The following PROS1 variants were observed in gnomAD, a reference collection of about 807,000 sequenced individuals.
PROS1 encodes protein S, also known as vitamin K-dependent protein S.
In PROS1, 29 loss-of-function variants were observed where a neutral mutation model predicts 75.9. The observed-to-expected ratio is 0.38, with a 90% CI of 0.28 to 0.52. The LOEUF is 0.52. Among genes scored for constraint, PROS1 ranks in the 20% least tolerant of loss-of-function variants. PROS1 has a pLI of 0.83. For missense variants in PROS1, 680 were observed against 810.3 expected (o/e 0.84, Z 1.95); for synonymous variants, 245 against 280.6 (o/e 0.87, Z 1.27).
chr3:93,919,943 T>C (rs1708920782), intron 3 of PROS1, among the ~76,000 whole-genome samples: 1 of 152,202 alleles, frequency 6.6e-6, no homozygotes, highest in Non-Finnish European at 1.5e-5. Context: ...AAATACCATA[T>C]AGTTTTATTT....
intron 3 of PROS1, among the ~76,000 whole-genome samples, chr3:93,917,544 C>A (rs1390094232): frequency 5.3e-5 from 8 of 152,230 alleles, no homozygotes; most frequent in Non-Finnish European, 1.2e-4. Flanking sequence ...CCCACCACTG[C>A]ACTGTGGGAG....
intron 14 of PROS1, among the ~76,000 whole-genome samples, chr3:93,875,666 CT>C (rs202020430): frequency 7.1e-6 from 1 of 141,116 alleles, no homozygotes. Flanking sequence ...ATCTATCTAT[CT>C]ATCTATCTAT....
rs866895816 is a variant in PROS1, at chr3:93,944,768, C to A, written c.77-17361G>T. On this transcript the variant is annotated intron_variant, in intron 1 of 14. Transcript: ENST00000394236. ...AGAACTAGAGAAGCAAGAGCAAACA[C>A]ATTCAAAAGCTAGCAGAAGGCAAGA... 1.1e-3 allele frequency among the ~76,000 whole-genome samples: 163 copies of A among 152,104 alleles called. 1 individual carries two copies. The Middle Eastern group carries it at 0.02, about 19-fold the overall frequency.
chr3:93,945,356 A>C (rs1427070129), intron 1 of PROS1, among the ~76,000 whole-genome samples: 1 of 152,158 alleles, frequency 6.6e-6, no homozygotes, highest in Non-Finnish European at 1.5e-5. Flanking sequence ...ACAACAACAA[A>C]AAAAAGAGAA....
At chr3:93,944,090 G>A (rs1331095762) in intron 1 of PROS1, among the ~76,000 whole-genome samples, 5 of 152,066 alleles carry the variant, frequency 3.3e-5, no homozygotes, top group Non-Finnish European at 7.3e-5. Context: ...ATCAGACTGG[G>A]CCCAATAAAC....
At chr3:93,936,610 C>T (rs1052172535) in intron 1 of PROS1, among the ~76,000 whole-genome samples, 2 of 152,098 alleles carry the variant, frequency 1.3e-5, no homozygotes, top group South Asian at 4.1e-4. Flanking sequence ...AAGCCTGCAC[C>T]AGAAACTGAG....
At chr3:93,937,915 T>G (rs1709212629) in intron 1 of PROS1, among the ~76,000 whole-genome samples, 1 of 152,292 alleles carries the variant, frequency 6.6e-6, no homozygotes, top group Non-Finnish European at 1.5e-5. Flanking sequence ...AAGAACCCTT[T>G]TGCCTAAAGA....
intron 2 of PROS1, among the ~76,000 whole-genome samples, chr3:93,925,698 C>G (rs781332401): frequency 6.6e-6 from 1 of 151,706 alleles, no homozygotes; most frequent in Non-Finnish European, 1.5e-5. Context: ...GGGCTGCACA[C>G]CTGTAGTCTC....
intron 1 of PROS1, chr3:93,928,590 A>T (rs1709062227): frequency 5.6e-6 from 2 of 355,684 alleles, no homozygotes; most frequent in Admixed American, 4.5e-5. Flanking sequence ...AAACTTTCTC[A>T]ATTTTAATGA....
At chr3:93,935,628 C>T (rs1432979491) in intron 1 of PROS1, among the ~76,000 whole-genome samples, 1 of 151,994 alleles carries the variant, frequency 6.6e-6, no homozygotes, top group Admixed American at 6.6e-5. Context: ...TGCTTAGAGG[C>T]TTAGAAGGAT....
At position 93,873,075 on chromosome 3, in the gene PROS1, C is replaced by T. The variant is rs140073790; in HGVS notation, c.*1170G>A. Reference sequence around the variant, plus strand: ...GTCTATTATGTAATTTTGTTTTATTCAAACAGTTGATATAATAAAGATATT... The same window carrying T: ...GTCTATTATGTAATTTTGTTTTATTTAAACAGTTGATATAATAAAGATATT... On this transcript the variant is annotated 3_prime_UTR_variant, in exon 15 of 15. Coordinates refer to ENST00000394236, the MANE Select transcript of PROS1 (RefSeq NM_000313.4). 24 of 152,198 alleles carry T rather than the reference C, an allele frequency of 1.6e-4. No individual in the cohort carries two copies. The highest frequency in any genetic ancestry group is 5.8e-4 in the African/African-American group (24 of 41,538). 9.4% of individuals were successfully genotyped at this position (152,198 alleles called of 1,614,324 possible).
intron 8 of PROS1, among the ~76,000 whole-genome samples, chr3:93,897,444 C>G (rs1708517949): frequency 6.6e-6 from 1 of 151,976 alleles, no homozygotes. Flanking sequence ...CCCCTTAAAA[C>G]TTTAATAAAT....
chr3:93,875,626 CTATCTA>C (rs1382194270), intron 14 of PROS1, among the ~76,000 whole-genome samples: 13 of 2,520 alleles, frequency 5.2e-3, no homozygotes, highest in Admixed American at 9.3e-3. Flanking sequence ...CTACTTACCT[CTATCTA>C]TCTATCTATC....
chr3:93,958,020 G>A (rs771729158), intron 1 of PROS1, among the ~76,000 whole-genome samples: 17 of 151,964 alleles, frequency 1.1e-4, no homozygotes, highest in Admixed American at 2.0e-4. Context: ...CCCAGGAAGC[G>A]GAGGTTGCAG....
At chr3:93,964,385 T>G (rs1709755937) in intron 1 of PROS1, among the ~76,000 whole-genome samples, 1 of 152,130 alleles carries the variant, frequency 6.6e-6, no homozygotes, top group Non-Finnish European at 1.5e-5. Context: ...AGGAATTCAT[T>G]CCTGGGGGGC....
intron 1 of PROS1, among the ~76,000 whole-genome samples, chr3:93,962,702 G>C (rs1479958906): frequency 1.3e-5 from 2 of 152,132 alleles, no homozygotes; most frequent in Admixed American, 6.5e-5. Context: ...GGCCTAATCA[G>C]ACTCAAACCC....
rs369854578 is a variant in PROS1 at position 93,900,792 on chromosome 3, C to T, written c.727+12G>A. On this transcript the variant is annotated intron_variant, in intron 7 of 14. Transcript: ENST00000394236. ...CTCTCCACCATCAGTAATGATACCA[C>T]CATCATCCTACCTTCACAAGACTTT... The T allele has an allele frequency of 1.9e-5, 30 of 1,612,068 alleles. No individual in the cohort carries two copies. The highest frequency in any genetic ancestry group is 8.0e-5 in the African/African-American group (6 of 74,874).
chr3:93,918,320 T>A (rs1172067395), intron 3 of PROS1, among the ~76,000 whole-genome samples: 1 of 151,882 alleles, frequency 6.6e-6, no homozygotes, highest in Non-Finnish European at 1.5e-5. Context: ...AGGATGTGGG[T>A]GGGGCCAGAT....
intron 6 of PROS1, among the ~76,000 whole-genome samples, chr3:93,902,476 G>A (rs1251730595): frequency 6.6e-6 from 1 of 152,012 alleles, no homozygotes; most frequent in Non-Finnish European, 1.5e-5. Context: ...CTTTCAGCTG[G>A]GCACAGTGGC....
Sources: gnomAD v4.1 joint callset for allele counts (sites outside exome capture counted in the v4.1 genomes callset) on GRCh38, gnomAD v4.1.1 for gene constraint, MANE v1.5 for transcripts, NCBI Gene and HGNC (gene_info 2026-07-23, HGNC 2026-07-21) for gene names.